Variants in RORA observed in about 807,000 individuals in gnomAD.
RORA encodes the protein RAR related orphan receptor A, also known as nuclear receptor ROR-alpha.
A neutral mutation model predicts 69.5 loss-of-function variants in RORA; 7 were observed. The observed-to-expected ratio is 0.10, with a 90% confidence interval of 0.06 to 0.19. The LOEUF is 0.19. Among genes scored for constraint, RORA ranks in the 10% least tolerant of loss-of-function variants. The pLI is 1.00. For missense variants in RORA, 457 were observed against 663.0 expected, an observed-to-expected ratio of 0.69 and a Z score of 3.41; for synonymous variants, 261 against 240.8, an observed-to-expected ratio of 1.08 and a Z score of -0.78.
intron 1 of RORA, among the ~76,000 whole-genome samples, chr15:60,779,148 G>A (rs1345172792): frequency 6.6e-6 from 1 of 152,178 alleles, no homozygotes; most frequent in Non-Finnish European, 1.5e-5. Context: ...TAAGGCACAA[G>A]CAATTTGGAT....
At chr15:60,943,224 T>C (rs1892753426) in intron 1 of RORA, among the ~76,000 whole-genome samples, 1 of 152,186 alleles carries the variant, frequency 6.6e-6, no homozygotes, top group African/African-American at 2.4e-5. Flanking sequence ...ACCAGGGTGC[T>C]GAGGAAGACT....
At chr15:60,679,918 TTTTGTTTGTTTG>T (rs138371554) in intron 1 of RORA, among the ~76,000 whole-genome samples, 19,925 of 151,350 alleles carry the variant, frequency 0.13, 1,332 homozygotes, top group East Asian at 0.18. Context: ...AAAACTATTG[TTTTGTTTGTTTG>T]TTTGTTTGTT....
At chr15:60,817,367 T>G (rs573071141) in intron 1 of RORA, among the ~76,000 whole-genome samples, 1 of 152,328 alleles carries the variant, frequency 6.6e-6, no homozygotes, top group African/African-American at 2.4e-5. Flanking sequence ...AAACATGAAG[T>G]GAGCACATGC....
At chr15:60,865,851 G>A (rs1249464165) in intron 1 of RORA, among the ~76,000 whole-genome samples, 1 of 152,168 alleles carries the variant, frequency 6.6e-6, no homozygotes, top group Non-Finnish European at 1.5e-5. Context: ...ATAGCTGAGA[G>A]CTATAATGAA....
intron 2 of RORA, among the ~76,000 whole-genome samples, chr15:60,637,459 A>C (rs78523643): frequency 0.035 from 5,382 of 152,174 alleles, 316 homozygotes; most frequent in African/African-American, 0.12. Flanking sequence ...AATGTATTGA[A>C]CTTTGTATTC....
At chr15:61,215,624 G>A (rs1233622109) in intron 1 of RORA, among the ~76,000 whole-genome samples, 1 of 152,138 alleles carries the variant, frequency 6.6e-6, no homozygotes, top group African/African-American at 2.4e-5. Flanking sequence ...TTCTTGATCT[G>A]CCTGACACAA....
chr15:60,698,069 C>T (rs1347496639), intron 1 of RORA, among the ~76,000 whole-genome samples: 3 of 152,158 alleles, frequency 2.0e-5, no homozygotes, highest in South Asian at 2.1e-4. Flanking sequence ...TGTCTGTAGT[C>T]GTGAAGTGAT....
chr15:60,984,801 C>CTTTTTT (rs3985701), intron 1 of RORA, among the ~76,000 whole-genome samples: 2 of 137,268 alleles, frequency 1.5e-5, no homozygotes, highest in South Asian at 2.3e-4. Context: ...CTACATATGT[C>CTTTTTT]TTTTTTTTTT....
intron 2 of RORA, among the ~76,000 whole-genome samples, chr15:60,673,634 T>C (rs2070508612): frequency 6.6e-6 from 1 of 152,228 alleles, no homozygotes; most frequent in Non-Finnish European, 1.5e-5. Context: ...TCCTCTCCCA[T>C]ACTTCCAGCT....
At chr15:60,999,455 T>C (rs1266268028) in intron 1 of RORA, among the ~76,000 whole-genome samples, 1 of 152,210 alleles carries the variant, frequency 6.6e-6, no homozygotes, top group Non-Finnish European at 1.5e-5. Context: ...GATGTTAGCT[T>C]ACCTTTGAGG....
At chr15:60,780,613 G>C (rs1212973362) in intron 1 of RORA, among the ~76,000 whole-genome samples, 1 of 152,092 alleles carries the variant, frequency 6.6e-6, no homozygotes, top group Non-Finnish European at 1.5e-5. Context: ...GAAACAATTT[G>C]CTTGATAGAT....
intron 2 of RORA, among the ~76,000 whole-genome samples, chr15:60,637,152 G>T (rs950541479): frequency 6.6e-6 from 1 of 151,182 alleles, no homozygotes; most frequent in Non-Finnish European, 1.5e-5. Flanking sequence ...AGTACCTATC[G>T]CCAAGAAAGC....
chr15:60,777,618 G>A (rs937509784), intron 1 of RORA, among the ~76,000 whole-genome samples: 2 of 152,052 alleles, frequency 1.3e-5, no homozygotes, highest in African/African-American at 2.4e-5. Flanking sequence ...TATCACTGTG[G>A]GCTGCAGTCC....
intron 2 of RORA, among the ~76,000 whole-genome samples, chr15:60,560,880 A>G (rs910593914): frequency 2.6e-5 from 4 of 152,202 alleles, no homozygotes; most frequent in African/African-American, 9.7e-5. Flanking sequence ...TATAGAAAAT[A>G]CAGAGAAGTA....
intron 3 of RORA, among the ~76,000 whole-genome samples, chr15:60,526,936 T>C (rs965864866): frequency 1.3e-5 from 2 of 152,242 alleles, no homozygotes; most frequent in African/African-American, 2.4e-5. Context: ...TTATATACTC[T>C]AGATATTTTT....
At chr15:60,587,641 A>G (rs1311245364) in intron 2 of RORA, among the ~76,000 whole-genome samples, 1 of 152,220 alleles carries the variant, frequency 6.6e-6, no homozygotes, top group Non-Finnish European at 1.5e-5. Context: ...ATAGATTAGC[A>G]TCATCTCCCT....
intron 2 of RORA, among the ~76,000 whole-genome samples, chr15:60,667,966 T>A (rs568729540): frequency 6.6e-6 from 1 of 152,018 alleles, no homozygotes; most frequent in Non-Finnish European, 1.5e-5. Context: ...TTAATTCCTC[T>A]TCATGACAGT....
chr15:60,826,283 T>G lies in RORA; in HGVS notation c.167-147597A>C, dbSNP rs183013405. On this transcript the variant is annotated intron_variant, in intron 1 of 10. Coordinates refer to ENST00000335670, the MANE Select transcript of RORA (RefSeq NM_134261.3). ...GAAAAAAGAAGAAAGGCAGGATTAATGAATGAACAAACCAGAAATTACTAC... is the reference window on the plus strand; with the variant it reads ...GAAAAAAGAAGAAAGGCAGGATTAAGGAATGAACAAACCAGAAATTACTAC... Among the ~76,000 whole-genome samples, 546 of 152,348 alleles carry G rather than the reference T, an allele frequency of 3.6e-3. 2 individuals are homozygous for G. The highest frequency in any genetic ancestry group is 6.8e-3 in the Middle Eastern group (2 of 294).
intron 1 of RORA, among the ~76,000 whole-genome samples, chr15:60,965,200 C>CCTTGGAAGTA (rs1893520441): frequency 6.6e-6 from 1 of 152,160 alleles, no homozygotes; most frequent in Non-Finnish European, 1.5e-5. Context: ...CCCATCAGCA[C>CCTTGGAAGTA]CAGTGGAAGC....
Sources: allele counts gnomAD v4.1 joint callset (sites outside exome capture counted in the v4.1 genomes callset), GRCh38; gene constraint gnomAD v4.1.1; transcripts MANE v1.5; gene names NCBI Gene and HGNC (gene_info 2026-07-23, HGNC 2026-07-21).